SMIM21: variants seen among roughly 807,000 people sequenced by gnomAD.
SMIM21 encodes small integral membrane protein 21.
In SMIM21, 8 loss-of-function variants were observed where a neutral mutation model predicts 8.6. That is an observed-to-expected ratio of 0.93 (90% confidence interval 0.55 to 1.68). SMIM21 has a LOEUF of 1.68. Ranked by LOEUF, SMIM21 falls within the 40% of genes most tolerant of loss-of-function variation. SMIM21 has a pLI of 0.00. For missense variants in SMIM21, 132 were observed against 123.0 expected (o/e 1.07, Z -0.35); for synonymous variants, 43 against 41.7 (o/e 1.03, Z -0.12).
intron 1 of SMIM21, among the ~76,000 whole-genome samples, chr18:75,427,125 G>T (rs946021615): frequency 6.6e-6 from 1 of 152,178 alleles, no homozygotes; most frequent in African/African-American, 2.4e-5. Flanking sequence ...GTGTTAAGAG[G>T]CTCTCTCTGT....
rs1185652672 is a variant in SMIM21 at position 75,417,890 on chromosome 18, C to G, written c.260+896G>C. 8 of 272,244 alleles carry G rather than the reference C, an allele frequency of 2.9e-5. No homozygotes were observed. The Admixed American group carries it at 3.7e-4, about 12-fold the overall frequency. 16.9% of individuals were successfully genotyped at this position (272,244 alleles called of 1,614,324 possible). A position where few individuals can be genotyped will look rare whatever the true frequency, so the allele number is the denominator to read the frequency against. On this transcript the variant is annotated intron_variant, in intron 2 of 2. Transcript: ENST00000579022. ...ATGGTCTTTGTAATGAGCTCCTTTT[C>G]TCTCTTTATTAAATATTGATTGACT...
In SMIM21 at chr18:75,427,079, C is replaced by T. The variant is rs150782793; in HGVS notation, c.129+356G>A. On this transcript the variant is annotated intron_variant, in intron 1 of 2. Transcript: ENST00000579022. The stretch of plus-strand genomic sequence containing the variant: ...TGAGTTTGTAGGTGTTGCAGGTGCA[C>T]CTAGGCTTAAAGCATTTGGAGGTAT... Among the ~76,000 whole-genome samples the T allele has an allele frequency of 5.1e-3, 781 of 152,242 alleles. 6 individuals are homozygous for T. The highest frequency in any genetic ancestry group is 0.018 in the African/African-American group (758 of 41,536).
chr18:75,427,570 GC>G lies in SMIM21; in HGVS notation c.-8del, dbSNP rs763686560. The stretch of plus-strand genomic sequence containing the variant: ...TGGACACATACTGGTCCATGTGGGG[GC>G]TGCGGCGGTGACCAGTGAGAGGTCT... On this transcript the variant is annotated 5_prime_UTR_variant, in exon 1 of 3. Transcript: ENST00000579022. 1.9e-6 allele frequency: 3 copies of G among 1,595,118 alleles called. No homozygotes were observed. The South Asian group carries it at 3.4e-5, about 18-fold the overall frequency.
intron 2 of SMIM21, chr18:75,417,088 C>G (rs1430733862): frequency 6.6e-6 from 1 of 152,190 alleles, no homozygotes; most frequent in African/African-American, 2.4e-5. Flanking sequence ...AGGAAGGCCT[C>G]CCCAGAACTT....
chr18:75,424,426 C>A (rs925221499), intron 1 of SMIM21, among the ~76,000 whole-genome samples: 1 of 152,140 alleles, frequency 6.6e-6, no homozygotes, highest in Non-Finnish European at 1.5e-5. Context: ...GGGAGGATTT[C>A]TTTCCATTAT....
chr18:75,414,841 C>T (rs191459265), intron 2 of SMIM21, among the ~76,000 whole-genome samples: 4 of 152,018 alleles, frequency 2.6e-5, no homozygotes, highest in African/African-American at 7.2e-5. Flanking sequence ...TGGTATTTTG[C>T]GTACCCCGCT....
At chr18:75,425,133 A>T (rs1039437501) in intron 1 of SMIM21, among the ~76,000 whole-genome samples, 1 of 152,218 alleles carries the variant, frequency 6.6e-6, no homozygotes, top group African/African-American at 2.4e-5. Flanking sequence ...TGTCTGTTGT[A>T]CTGGAACCAA....
At position 75,417,804 on chromosome 18, in the gene SMIM21, A is replaced by G. The variant is rs76692650; in HGVS notation, c.260+982T>C. On this transcript the variant is annotated intron_variant, in intron 2 of 2. Transcript: ENST00000579022. ...TGCAAAGAGAATATATAATGTTCCA[A>G]TTAAGAACTTATCGCCCTGAAATTC... 3.8e-3 allele frequency: 627 copies of G among 166,546 alleles called. 4 individuals are homozygous for G. The highest frequency in any genetic ancestry group is 0.014 in the African/African-American group (585 of 42,264). The allele number at this position is 166,546 out of a possible 1,614,324, so 10.3% of individuals were successfully genotyped here.
chr18:75,421,028 G>A (rs553802043), intron 1 of SMIM21, among the ~76,000 whole-genome samples: 25 of 152,258 alleles, frequency 1.6e-4, no homozygotes, highest in Admixed American at 7.2e-4. Context: ...ATTTCATAAC[G>A]TGTGAAGTGC....
At position 75,427,338 on chromosome 18, in the gene SMIM21, C is replaced by T. The variant is rs1003560690; in HGVS notation, c.129+97G>A. The stretch of plus-strand genomic sequence containing the variant: ...GAATCTGGATTTGAGAGACAGAGCA[C>T]TCACAGGAGATTGGGGCAAAAGAGT... On this transcript the variant is annotated intron_variant, in intron 1 of 2. Transcript: ENST00000579022. 19 of 1,341,146 alleles carry T rather than the reference C, an allele frequency of 1.4e-5. No homozygotes were observed. In the African/African-American group the frequency reaches 2.3e-4, roughly 16 times the overall value. 83.1% of individuals were successfully genotyped at this position (1,341,146 alleles called of 1,614,324 possible).
intron 2 of SMIM21, among the ~76,000 whole-genome samples, chr18:75,411,686 T>C (rs1292654803): frequency 1.3e-5 from 2 of 152,196 alleles, no homozygotes; most frequent in East Asian, 1.9e-4. Context: ...CAGCCTGATA[T>C]TATGAAAATC....
intron 2 of SMIM21, among the ~76,000 whole-genome samples, chr18:75,418,472 C>A (rs1255317342): frequency 6.6e-6 from 1 of 152,200 alleles, no homozygotes; most frequent in African/African-American, 2.4e-5. Flanking sequence ...GATTTGCAGG[C>A]TCTCACTGAC....
intron 2 of SMIM21, 89 bp from the exon 3 acceptor site, chr18:75,410,998 C>T: frequency 6.6e-7 from 1 of 1,515,950 alleles, no homozygotes; most frequent in South Asian, 1.2e-5. Context: ...TTGTTTTTAT[C>T]TAATGAACAC....
intron 1 of SMIM21, among the ~76,000 whole-genome samples, chr18:75,426,673 GGAAAAA>G (rs2024767712): frequency 9.5e-6 from 1 of 104,764 alleles, no homozygotes; most frequent in Non-Finnish European, 2.0e-5. Context: ...AAAAAAAAAT[GGAAAAA>G]GGAAAAGGAA....
chr18:75,424,520 A>C (rs1486396910), intron 1 of SMIM21, among the ~76,000 whole-genome samples: 1 of 152,274 alleles, frequency 6.6e-6, no homozygotes. Flanking sequence ...CTCTTCCTTC[A>C]ATTGATAGGA....
Position 75,427,693 on chromosome 18 carries a change from A to T in SMIM21, c.-130T>A. 1.1e-6 allele frequency: 1 copy of T among 908,512 alleles called. No homozygotes were observed. The highest frequency in any genetic ancestry group is 2.7e-5 in the South Asian group (1 of 37,198). 56.3% of individuals were successfully genotyped at this position (908,512 alleles called of 1,614,324 possible). Reference sequence around the variant, plus strand: ...TTTCTCTTCTTTGCCAACCTTGAAGATCTGGGTATTATTTTATGAAGCTGG... The same window carrying T: ...TTTCTCTTCTTTGCCAACCTTGAAGTTCTGGGTATTATTTTATGAAGCTGG... On this transcript the variant is annotated 5_prime_UTR_variant, in exon 1 of 3. Transcript: ENST00000579022.
intron 2 of SMIM21, chr18:75,416,635 A>T (rs1172829876): frequency 6.6e-6 from 1 of 152,152 alleles, no homozygotes; most frequent in African/African-American, 2.4e-5. Context: ...TTCAACATAC[A>T]TGTATTTTTG....
chr18:75,411,027 T>TC (rs74927953), intron 2 of SMIM21, 118 bp from the exon 3 acceptor site: 6 of 1,411,414 alleles, frequency 4.3e-6, no homozygotes, highest in Non-Finnish European at 5.8e-6. Flanking sequence ...ATTTAATTTT[T>TC]CCCCCCAAGA....
At chr18:75,419,879 A>G (rs912767716) in intron 1 of SMIM21, among the ~76,000 whole-genome samples, 1 of 152,200 alleles carries the variant, frequency 6.6e-6, no homozygotes, top group Non-Finnish European at 1.5e-5. Context: ...ACAGGGAAGG[A>G]CAATGCCTCT....
Sources: allele counts gnomAD v4.1 joint callset (sites outside exome capture counted in the v4.1 genomes callset), GRCh38; gene constraint gnomAD v4.1.1; transcripts MANE v1.5; gene names NCBI Gene and HGNC (gene_info 2026-07-23, HGNC 2026-07-21).